The following BRINP3 variants were observed in gnomAD, a reference collection of about 807,000 sequenced individuals.
BRINP3 encodes the protein BMP/retinoic acid-inducible neural-specific protein 3.
Under a neutral mutation model 71.0 loss-of-function variants are expected in BRINP3, and 19 were observed. The ratio of observed to expected loss-of-function variants is 0.27; its 90% CI spans 0.19 to 0.39. The LOEUF is 0.39. Ranked by LOEUF, BRINP3 falls within the 10% of genes least tolerant of loss-of-function variation. BRINP3 has a pLI of 1.00. For synonymous variants in BRINP3, 380 were observed against 337.7 expected, an observed-to-expected ratio of 1.13 and a Z score of -1.37; for missense variants, 959 against 940.8, an observed-to-expected ratio of 1.02 and a Z score of -0.25.
intron 3 of BRINP3, among the ~76,000 whole-genome samples, chr1:190,270,634 G>A (rs10920677): frequency 0.14 from 21,464 of 151,524 alleles, 2,006 homozygotes; most frequent in South Asian, 0.27. Context: ...TCTATTTTGG[G>A]TATCTTTGAA....
intron 7 of BRINP3, among the ~76,000 whole-genome samples, chr1:190,137,431 CAA>C (rs1655066386): frequency 1.4e-5 from 2 of 143,054 alleles, no homozygotes; most frequent in South Asian, 4.4e-4. Context: ...GACTTGGAAC[CAA>C]AGTTTAAAAA....
At chr1:190,400,858 T>C (rs958067907) in intron 2 of BRINP3, among the ~76,000 whole-genome samples, 1 of 152,148 alleles carries the variant, frequency 6.6e-6, no homozygotes, top group African/African-American at 2.4e-5. Flanking sequence ...GATAAACATA[T>C]AGTGCAATTC....
intron 2 of BRINP3, among the ~76,000 whole-genome samples, chr1:190,444,088 TG>T (rs372154253): frequency 1.3e-5 from 2 of 151,324 alleles, no homozygotes; most frequent in South Asian, 2.1e-4. Context: ...CAAAATTAGC[TG>T]GGGGGTGGTG....
chr1:190,298,967 C>CAA (rs1223962712), intron 2 of BRINP3, among the ~76,000 whole-genome samples: 2 of 152,190 alleles, frequency 1.3e-5, no homozygotes, highest in Non-Finnish European at 2.9e-5. Context: ...ATTTTGCTTA[C>CAA]AATATCCTGC....
At chr1:190,420,058 T>C (rs1353423702) in intron 2 of BRINP3, among the ~76,000 whole-genome samples, 1 of 151,920 alleles carries the variant, frequency 6.6e-6, no homozygotes, top group African/African-American at 2.4e-5. Flanking sequence ...TAAATAAGAT[T>C]AAATAAGCAA....
chr1:190,179,630 A>T lies in BRINP3; in HGVS notation c.962-18740T>A, dbSNP rs137965456. On this transcript the variant is annotated intron_variant, in intron 6 of 7. Coordinates refer to ENST00000367462, the MANE Select transcript of BRINP3 (RefSeq NM_199051.3). ...TTAAAATGAATACTGAATTTTCAGC[A>T]GTCTAATTAAAATTCTCCAAGGAGT... Among the ~76,000 whole-genome samples the T allele has an allele frequency of 5.6e-4, 85 of 152,246 alleles. No individual in the cohort carries two copies. In the East Asian group the frequency reaches 0.016, roughly 28 times the overall value.
chr1:190,308,117 A>G (rs1665246054), intron 2 of BRINP3, among the ~76,000 whole-genome samples: 1 of 151,976 alleles, frequency 6.6e-6, no homozygotes, highest in Admixed American at 6.6e-5. Flanking sequence ...ACCTACACCT[A>G]AAACTGTGGC....
intron 2 of BRINP3, among the ~76,000 whole-genome samples, chr1:190,412,485 C>A (rs1240997674): frequency 5.6e-5 from 7 of 124,686 alleles, no homozygotes; most frequent in African/African-American, 1.6e-4. Context: ...TTTTTTGAGA[C>A]GGAGTCTCGC....
chr1:190,429,593 CT>C (rs66510191), intron 2 of BRINP3, among the ~76,000 whole-genome samples: 21,909 of 138,744 alleles, frequency 0.16, 1,242 homozygotes, highest in South Asian at 0.2. Flanking sequence ...TTCTTTCTTC[CT>C]TTTTTTTTTT....
chr1:190,369,109 C>T (rs1284664605), intron 2 of BRINP3, among the ~76,000 whole-genome samples: 2 of 152,042 alleles, frequency 1.3e-5, no homozygotes, highest in Non-Finnish European at 2.9e-5. Context: ...TAAACCATAT[C>T]ATCCAGGTAA....
chr1:190,442,801 CGTGTGTGTGTGTGT>C (rs35183761), intron 2 of BRINP3, among the ~76,000 whole-genome samples: 1 of 132,656 alleles, frequency 7.5e-6, no homozygotes, highest in Admixed American at 7.7e-5. Context: ...CATGCCTGTG[CGTGTGTGTGTGTGT>C]GTGTGTGTGT....
intron 2 of BRINP3, among the ~76,000 whole-genome samples, chr1:190,452,717 G>A (rs1016434121): frequency 6.6e-6 from 1 of 152,070 alleles, no homozygotes; most frequent in African/African-American, 2.4e-5. Flanking sequence ...TTAGCTGGGC[G>A]CGGTGGCGGG....
rs750456251 is a variant in BRINP3, at chr1:190,099,021, A to T, written c.1298T>A (p.Val433Glu). ...THSCTCPNDQ[V>E]VCTAFLPCTV... ...GCAGGGCAGGAACGCGGTGCAGACC[A>T]CCTGGTCATTCGGACACGTGCACGA... is the stretch of plus-strand genomic sequence containing the variant. The change falls in exon 8 of 8, where the codon GTG becomes GAG. Residue 433 changes from valine to glutamate, a missense_variant. Coordinates refer to ENST00000367462, the MANE Select transcript of BRINP3 (RefSeq NM_199051.3). 2 of 1,614,200 alleles carry T rather than the reference A, an allele frequency of 1.2e-6. No individual in the cohort carries two copies. Among genetic ancestry groups the T allele is most frequent in the East Asian group, 2.2e-5 (1 of 44,876 alleles).
At chr1:190,266,693 A>C (rs1661692103) in intron 3 of BRINP3, among the ~76,000 whole-genome samples, 1 of 152,202 alleles carries the variant, frequency 6.6e-6, no homozygotes, top group African/African-American at 2.4e-5. Context: ...TCTCAGAATG[A>C]CCAATGAATC....
chr1:190,379,627 T>C (rs1670394068), intron 2 of BRINP3, among the ~76,000 whole-genome samples: 1 of 151,942 alleles, frequency 6.6e-6, no homozygotes, highest in Non-Finnish European at 1.5e-5. Context: ...AGCTAGGGGA[T>C]AGCAGGGGAG....
In BRINP3 at chr1:190,098,463, T is replaced by G. The variant is rs35481069; in HGVS notation, c.1856A>C (p.Lys619Thr). Residue 619 changes from lysine (K) to threonine (T), a missense_variant, in exon 8 of 8, where the codon AAG (lysine) becomes ACG (threonine). Transcript: ENST00000367462. ...GATGTGTACTGTCTCAAAAAATGTC[T>G]TCCATTTGTTCCCCAGAGTTAATGT... ...NWTLTLGNKW[K>T]TFFETVHIYL... 6.2e-7 allele frequency: 1 copy of G among 1,614,042 alleles called. No individual in the cohort carries two copies. The highest frequency in any genetic ancestry group is 1.3e-5 in the African/African-American group (1 of 74,912).
At chr1:190,426,509 A>G (rs1572018586) in intron 2 of BRINP3, among the ~76,000 whole-genome samples, 1 of 151,812 alleles carries the variant, frequency 6.6e-6, no homozygotes, top group African/African-American at 2.4e-5. Context: ...AAAATGCTCC[A>G]ATGAGCATTT....
intron 2 of BRINP3, among the ~76,000 whole-genome samples, chr1:190,312,779 G>A (rs1665625006): frequency 6.6e-6 from 1 of 151,670 alleles, no homozygotes; most frequent in Admixed American, 6.6e-5. Context: ...TAAGGATATG[G>A]GTGATATTTT....
intron 2 of BRINP3, among the ~76,000 whole-genome samples, chr1:190,436,748 T>C (rs531131975): frequency 3.9e-4 from 59 of 151,884 alleles, no homozygotes; most frequent in African/African-American, 1.4e-3. Context: ...CTCAATTGAC[T>C]CAATTGACCA....
Sources: gnomAD v4.1 joint callset for allele counts (sites outside exome capture counted in the v4.1 genomes callset) on GRCh38, gnomAD v4.1.1 for gene constraint, MANE v1.5 for transcripts, NCBI Gene and HGNC (gene_info 2026-07-23, HGNC 2026-07-21) for gene names.